Variants in BLTP1 observed in about 807,000 individuals in gnomAD.
BLTP1 encodes the protein fragile site-associated protein.
the BLTP1 span, chr4:122,227,037 T>A: frequency 1.8e-6 from 1 of 554,300 alleles, no homozygotes; most frequent in Non-Finnish European, 2.6e-6. Context: ...ACATACAAAT[T>A]AAAAAAGAAA....
the BLTP1 span, among the ~76,000 whole-genome samples, chr4:122,354,319 A>G: frequency 6.6e-6 from 1 of 152,184 alleles, no homozygotes; most frequent in Non-Finnish European, 1.5e-5. Flanking sequence ...CTGGAAAAAT[A>G]TTTTTCTAGT....
At chr4:122,225,393 C>T in the BLTP1 span, 2 of 152,052 alleles carry the variant, frequency 1.3e-5, no homozygotes, top group African/African-American at 4.8e-5. Flanking sequence ...AACATTTCAC[C>T]TGAGTCATAT....
the BLTP1 span, among the ~76,000 whole-genome samples, chr4:122,184,302 C>T: frequency 6.6e-6 from 1 of 152,254 alleles, no homozygotes; most frequent in Middle Eastern, 3.4e-3. Flanking sequence ...TTAAATGCCA[C>T]CTAAAATTAT....
the BLTP1 span, chr4:122,199,598 T>C: frequency 3.2e-6 from 2 of 631,138 alleles, no homozygotes; most frequent in African/African-American, 1.8e-5. Flanking sequence ...GGATTCCCAG[T>C]GCTATGGACT....
chr4:122,245,763 G>A, the BLTP1 span, among the ~76,000 whole-genome samples: 5 of 152,004 alleles, frequency 3.3e-5, no homozygotes, highest in Non-Finnish European at 7.4e-5. Flanking sequence ...ATATATATTG[G>A]CATTTCATGT....
At chr4:122,350,889 T>G in the BLTP1 span, among the ~76,000 whole-genome samples, 1 of 152,164 alleles carries the variant, frequency 6.6e-6, no homozygotes, top group Non-Finnish European at 1.5e-5. Context: ...GGACATGAAT[T>G]CACAGAGGTC....
the BLTP1 span, chr4:122,272,434 A>G: frequency 6.5e-7 from 1 of 1,546,350 alleles, no homozygotes; most frequent in South Asian, 1.1e-5. Flanking sequence ...ATAAAGTGCT[A>G]TGTATACATA....
At chr4:122,348,930 A>G in the BLTP1 span, 2 of 544,996 alleles carry the variant, frequency 3.7e-6, no homozygotes, top group South Asian at 3.5e-5. Flanking sequence ...AAGGGAATCA[A>G]TTATAAGGAG....
the BLTP1 span, among the ~76,000 whole-genome samples, chr4:122,195,461 A>G: frequency 5.3e-5 from 8 of 151,892 alleles, no homozygotes; most frequent in African/African-American, 1.7e-4. Context: ...CACTTAAAGT[A>G]CTTTCATTAG....
the BLTP1 span, chr4:122,180,051 C>T: frequency 4.9e-6 from 4 of 819,224 alleles, no homozygotes; most frequent in South Asian, 2.3e-4. Context: ...CACATACACA[C>T]ACACACACAC....
At chr4:122,266,925 C>T in the BLTP1 span, 14 of 1,601,120 alleles carry the variant, frequency 8.7e-6, no homozygotes, top group Non-Finnish European at 1.1e-5. Flanking sequence ...GATTCAGACA[C>T]AGCCAAAGAG....
At chr4:122,187,729 T>A in the BLTP1 span, 1 of 480,550 alleles carries the variant, frequency 2.1e-6, no homozygotes, top group Non-Finnish European at 2.7e-6. Context: ...TTCTTTTAAC[T>A]ACTGGTTTAA....
the BLTP1 span, chr4:122,152,540 G>A: frequency 7.1e-6 from 7 of 985,854 alleles, no homozygotes; most frequent in Non-Finnish European, 8.4e-6. Context: ...GGCGTTCCCC[G>A]GAGAGAGGCC....
At chr4:122,186,317 A>G in the BLTP1 span, 4 of 828,040 alleles carry the variant, frequency 4.8e-6, no homozygotes, top group African/African-American at 1.8e-5. Context: ...ACAGAGCCTA[A>G]TATTTCTTTG....
chr4:122,248,952 G>C, the BLTP1 span: 1 of 327,224 alleles, frequency 3.1e-6, no homozygotes, highest in Non-Finnish European at 4.4e-6. Context: ...AATGAAAAAA[G>C]TAAGATAAAG....
chr4:122,189,101 TAG>T, the BLTP1 span: 10 of 968,392 alleles, frequency 1.0e-5, no homozygotes, highest in Non-Finnish European at 1.1e-5. Context: ...TGAAAAATTA[TAG>T]AGAGTAAGAT....
At chr4:122,277,926 G>C in the BLTP1 span, among the ~76,000 whole-genome samples, 1 of 152,098 alleles carries the variant, frequency 6.6e-6, no homozygotes, top group African/African-American at 2.4e-5. Flanking sequence ...TTGTGTGTCT[G>C]TGTATGTAAT....
the BLTP1 span, chr4:122,299,918 A>G: frequency 1.0e-6 from 1 of 985,170 alleles, no homozygotes; most frequent in Non-Finnish European, 1.2e-6. Context: ...TCAGAGAGGA[A>G]AGGTACAAGC....
the BLTP1 span, among the ~76,000 whole-genome samples, chr4:122,220,103 AG>A: frequency 6.6e-6 from 1 of 152,230 alleles, no homozygotes; most frequent in South Asian, 2.1e-4. Flanking sequence ...GGGCCAGATG[AG>A]GTGTGTGTCC....
Sources: gnomAD v4.1 joint callset for allele counts (sites outside exome capture counted in the v4.1 genomes callset) on GRCh38, gnomAD v4.1.1 for gene constraint, MANE v1.5 for transcripts, NCBI Gene and HGNC (gene_info 2026-07-23, HGNC 2026-07-21) for gene names.